The following MCHR2 variants were observed in gnomAD, a reference collection of about 807,000 sequenced individuals.
MCHR2 encodes the protein melanin concentrating hormone receptor 2, also known as melanin-concentrating hormone receptor 2.
A neutral mutation model predicts 24.8 loss-of-function variants in MCHR2; 15 were observed. That is an observed-to-expected ratio of 0.60 (90% CI 0.40 to 0.93). MCHR2 has a LOEUF of 0.93. MCHR2 is among the 40% of genes least tolerant of loss of function. The pLI, the probability that MCHR2 is intolerant of heterozygous loss-of-function variation, is 0.00. For missense variants in MCHR2, 386 were observed against 408.7 expected (o/e 0.94, Z 0.48); for synonymous variants, 151 against 147.6 (o/e 1.02, Z -0.17).
chr6:99,951,991 T>C (rs1774974242), intron 2 of MCHR2, among the ~76,000 whole-genome samples: 1 of 151,828 alleles, frequency 6.6e-6, no homozygotes, highest in Admixed American at 6.6e-5. Context: ...TTGAAGGGAG[T>C]CTGTCAGTAA....
At chr6:99,955,922 C>T (rs2114541124) in intron 2 of MCHR2, 44 bp downstream of exon 2, 1 of 1,430,004 alleles carries the variant, frequency 7.0e-7, no homozygotes, top group Non-Finnish European at 9.2e-7. Flanking sequence ...CTGTAGTTTC[C>T]TAAAGTATGG....
rs988351717 is a variant in MCHR2, at chr6:99,948,057, A to C, written c.183-86T>G. 357 of 1,149,672 alleles carry C rather than the reference A, an allele frequency of 3.1e-4. 2 individuals carry two copies. The East Asian group carries it at 8.3e-3, about 27-fold the overall frequency. The allele number at this position is 1,149,672 out of a possible 1,614,324, so 71.2% of individuals were successfully genotyped here. A position where few individuals can be genotyped will look rare whatever the true frequency, so the allele number is the denominator to read the frequency against. ...GCTACCTCATACAAATTTTTAATTG[A>C]CATAATGCATTTTAAATGTTAAAGG... is the stretch of plus-strand genomic sequence containing the variant. On this transcript the variant is annotated intron_variant, in intron 2 of 5. Coordinates refer to ENST00000281806, the MANE Select transcript of MCHR2 (RefSeq NM_001040179.2).
intron 4 of MCHR2, among the ~76,000 whole-genome samples, chr6:99,936,545 G>A (rs191683249): frequency 2.6e-5 from 4 of 151,958 alleles, no homozygotes; most frequent in East Asian, 1.9e-4. Context: ...TGTTCCATTC[G>A]TCAATGTGTC....
intron 4 of MCHR2, among the ~76,000 whole-genome samples, chr6:99,941,911 C>T (rs978469801): frequency 6.6e-6 from 1 of 151,872 alleles, no homozygotes; most frequent in Non-Finnish European, 1.5e-5. Context: ...TGGCTGTGTC[C>T]ACATAATGCA....
chr6:99,956,207 A>G, intron 1 of MCHR2, 33 bp from the exon 2 acceptor site: 2 of 1,392,382 alleles, frequency 1.4e-6, no homozygotes, highest in Non-Finnish European at 2.0e-6. Context: ...TTATTTAGTG[A>G]ACATTCCCTC....
chr6:99,991,947 T>G (rs1444978832), intron 1 of MCHR2, among the ~76,000 whole-genome samples: 1 of 152,242 alleles, frequency 6.6e-6, no homozygotes, highest in Admixed American at 6.5e-5. Flanking sequence ...CATTTCCAGC[T>G]TTGCTCTAAT....
At chr6:99,949,931 A>AAG (rs1277909807) in intron 2 of MCHR2, among the ~76,000 whole-genome samples, 1 of 151,658 alleles carries the variant, frequency 6.6e-6, no homozygotes, top group East Asian at 1.9e-4. Flanking sequence ...AAAAAAAAAA[A>AAG]AATCATAAAT....
In MCHR2 at chr6:99,921,125, G is replaced by C; in HGVS notation, c.838C>G (p.Pro280Ala). ...IQLVNLQMEQ[P>A]TLAFYVGYYL... The stretch of plus-strand genomic sequence containing the variant: ...TAACCCACATAGAAGGCCAGTGTGG[G>C]CTGTTCCATCTGTAAGTTCACCAGT... Residue 280 changes from proline to alanine, a missense_variant, in exon 6 of 6, where the codon CCC becomes GCC. Physicochemically the swap from Pro to Ala is conservative, Grantham distance 27 (BLOSUM62 -1). Transcript: ENST00000281806. 1 of 1,614,180 alleles carries C rather than the reference G, an allele frequency of 6.2e-7. No individual in the cohort carries two copies. The highest frequency in any genetic ancestry group is 8.5e-7 in the Non-Finnish European group (1 of 1,180,030).
chr6:99,967,829 T>A (rs1393438861), intron 1 of MCHR2, among the ~76,000 whole-genome samples: 3 of 152,130 alleles, frequency 2.0e-5, no homozygotes, highest in African/African-American at 4.8e-5. Flanking sequence ...AATCCACCCA[T>A]CTCCTTACAT....
chr6:99,974,885 G>C (rs1775515435), intron 1 of MCHR2, among the ~76,000 whole-genome samples: 1 of 152,196 alleles, frequency 6.6e-6, no homozygotes, highest in African/African-American at 2.4e-5. Context: ...CTGTACAACA[G>C]CAGATCTTGG....
At position 99,975,627 on chromosome 6, in the gene MCHR2, C is replaced by T. The variant is rs138537106; in HGVS notation, c.-28+18309G>A. On this transcript the variant is annotated intron_variant, in intron 1 of 5. Coordinates refer to ENST00000281806, the MANE Select transcript of MCHR2 (RefSeq NM_001040179.2). Reference sequence around the variant, plus strand: ...CCCTAGTGAGATGAACCCGGTGCCTCAGATGGAAATGCAGAAATCACCCAT... The same window carrying T: ...CCCTAGTGAGATGAACCCGGTGCCTTAGATGGAAATGCAGAAATCACCCAT... Among the ~76,000 whole-genome samples the T allele has an allele frequency of 3.2e-3, 483 of 152,328 alleles. 3 individuals are homozygous for T. The highest frequency in any genetic ancestry group is 0.011 in the African/African-American group (461 of 41,582).
intron 5 of MCHR2, among the ~76,000 whole-genome samples, chr6:99,929,533 G>A (rs1774459041): frequency 6.6e-6 from 1 of 152,120 alleles, no homozygotes; most frequent in Non-Finnish European, 1.5e-5. Flanking sequence ...TGTATTGGGT[G>A]CATATATATT....
intron 5 of MCHR2, among the ~76,000 whole-genome samples, chr6:99,929,851 A>G (rs1440548759): frequency 6.7e-6 from 1 of 149,378 alleles, no homozygotes; most frequent in African/African-American, 2.4e-5. Context: ...TAAAGTTAAT[A>G]TTGTTATGTG....
In MCHR2 at chr6:99,921,048, G is replaced by T. The variant is rs182946941; in HGVS notation, c.915C>A (p.Leu305=). 286 of 1,614,166 alleles carry T rather than the reference G, an allele frequency of 1.8e-4. 5 individuals are homozygous for T. The East Asian group carries it at 5.5e-3, about 31-fold the overall frequency. ...SYASSSINPF[L]YILLSGNFQK... Reference sequence around the variant, plus strand: ...GGAAATTTCCACTCAGCAGGATGTAGAGAAAAGGGTTAATGCTGCTGCTGG... The same window carrying T: ...GGAAATTTCCACTCAGCAGGATGTATAGAAAAGGGTTAATGCTGCTGCTGG... The change falls in exon 6 of 6, where the codon CTC becomes CTA. Residue 305 remains leucine (L), a synonymous_variant. Coordinates refer to ENST00000281806, the MANE Select transcript of MCHR2 (RefSeq NM_001040179.2).
intron 4 of MCHR2, among the ~76,000 whole-genome samples, chr6:99,935,779 C>T (rs1009066054): frequency 6.6e-6 from 1 of 151,642 alleles, no homozygotes; most frequent in Non-Finnish European, 1.5e-5. Flanking sequence ...TTCGAGGAGC[C>T]TTTATAGTGA....
intron 4 of MCHR2, among the ~76,000 whole-genome samples, chr6:99,940,659 A>G (rs902752996): frequency 6.6e-6 from 1 of 151,732 alleles, no homozygotes; most frequent in African/African-American, 2.4e-5. Context: ...AGGATTTGCT[A>G]TTTATTCCAG....
intron 5 of MCHR2, among the ~76,000 whole-genome samples, chr6:99,932,284 C>T (rs1324199768): frequency 6.6e-6 from 1 of 152,070 alleles, no homozygotes; most frequent in Non-Finnish European, 1.5e-5. Context: ...AGAAACATAT[C>T]AGTCTATAGT....
rs183206301 is a variant in MCHR2, at chr6:99,991,073, T to C, written c.-28+2863A>G. 1.9e-3 allele frequency among the ~76,000 whole-genome samples: 288 copies of C among 151,876 alleles called. 1 individual carries two copies. Among genetic ancestry groups the C allele is most frequent in the Admixed American group, 0.012 (189 of 15,234 alleles). ...TAACCCCAGGGAGAGAAAGGGCATA[T>C]GCCAATGGTTCTGAAATTGTAGCAT... On this transcript the variant is annotated intron_variant, in intron 1 of 5. Coordinates refer to ENST00000281806, the MANE Select transcript of MCHR2 (RefSeq NM_001040179.2).
chr6:99,967,567 G>T (rs1775317183), intron 1 of MCHR2, among the ~76,000 whole-genome samples: 1 of 152,046 alleles, frequency 6.6e-6, no homozygotes, highest in Non-Finnish European at 1.5e-5. Flanking sequence ...TAAGTGAAAT[G>T]GTAAGCCAGC....
Sources: gnomAD v4.1 joint callset for allele counts (sites outside exome capture counted in the v4.1 genomes callset) on GRCh38, gnomAD v4.1.1 for gene constraint, MANE v1.5 for transcripts, NCBI Gene and HGNC (gene_info 2026-07-23, HGNC 2026-07-21) for gene names.